The following TSPAN9 variants were observed in gnomAD, a reference collection of about 807,000 sequenced individuals.
The protein encoded by TSPAN9 is tetraspanin-9.
A neutral mutation model predicts 31.0 loss-of-function variants in TSPAN9; 16 were observed. The observed-to-expected ratio is 0.52, with a 90% CI of 0.35 to 0.78. TSPAN9 has a LOEUF of 0.78. Ranked by LOEUF, TSPAN9 falls within the 30% of genes least tolerant of loss-of-function variation. The probability of loss-of-function intolerance (pLI) is 0.01; values close to 1 mark genes in which losing one functional copy is unlikely to be tolerated. For synonymous variants in TSPAN9, 145 were observed against 121.6 expected, an observed-to-expected ratio of 1.19 and a Z score of -1.27; for missense variants, 272 against 312.5, an observed-to-expected ratio of 0.87 and a Z score of 0.98.
chr12:3,233,644 A>G (rs1037175899), intron 3 of TSPAN9, among the ~76,000 whole-genome samples: 2 of 152,150 alleles, frequency 1.3e-5, no homozygotes, highest in African/African-American at 2.4e-5. Flanking sequence ...CTGCTTTTTA[A>G]TATTTCATTG....
At chr12:3,277,215 C>T (rs1862805245) in intron 3 of TSPAN9, among the ~76,000 whole-genome samples, 2 of 152,352 alleles carry the variant, frequency 1.3e-5, no homozygotes, top group East Asian at 1.9e-4. Flanking sequence ...AAGCTGGAGC[C>T]GGGAGTCCTG....
At chr12:3,137,451 C>T (rs770394748) in intron 2 of TSPAN9, among the ~76,000 whole-genome samples, 1 of 152,242 alleles carries the variant, frequency 6.6e-6, no homozygotes, top group Non-Finnish European at 1.5e-5. Context: ...GGCTTCACAT[C>T]CTGCGGGTTT....
chr12:3,130,952 C>T (rs540296132), intron 2 of TSPAN9, among the ~76,000 whole-genome samples: 14 of 152,174 alleles, frequency 9.2e-5, no homozygotes, highest in African/African-American at 2.4e-4. Context: ...ACGTTGTAGC[C>T]GCATCGGATT....
intron 3 of TSPAN9, among the ~76,000 whole-genome samples, chr12:3,226,014 G>A (rs1229993762): frequency 6.6e-6 from 1 of 152,130 alleles, no homozygotes; most frequent in Non-Finnish European, 1.5e-5. Context: ...TTGATACTCT[G>A]AGCCTGACTC....
intron 2 of TSPAN9, among the ~76,000 whole-genome samples, chr12:3,123,455 C>A (rs1258278234): frequency 6.6e-5 from 10 of 152,188 alleles, no homozygotes. Context: ...ACCTCCCTTG[C>A]CCTTGGCCTG....
rs1335302644 is a variant in TSPAN9, at chr12:3,286,103, G to A, written c.*2987G>A. Reference sequence around the variant, plus strand: ...TGGCCCAAGAGCAGTCTGGGTGGATGGAAGTGGCTGTCCCCTCCTCTCCAG... The same window carrying A: ...TGGCCCAAGAGCAGTCTGGGTGGATAGAAGTGGCTGTCCCCTCCTCTCCAG... On this transcript the variant is annotated 3_prime_UTR_variant, in exon 9 of 9. Coordinates refer to ENST00000011898, the MANE Select transcript of TSPAN9 (RefSeq NM_006675.5). This position sits in a 1 kb window ranked among gnomAD's most constrained non-coding sequence, Gnocchi z 4.1. 1.3e-5 allele frequency: 2 copies of A among 152,750 alleles called. No individual in the cohort carries two copies. The highest frequency in any genetic ancestry group is 2.9e-5 in the Non-Finnish European group (2 of 68,110). The allele number at this position is 152,750 out of a possible 1,614,324, so 9.5% of individuals were successfully genotyped here. A position where few individuals can be genotyped will look rare whatever the true frequency, so the allele number is the denominator to read the frequency against.
intron 2 of TSPAN9, among the ~76,000 whole-genome samples, chr12:3,179,129 G>A (rs528839179): frequency 6.6e-6 from 1 of 152,270 alleles, no homozygotes; most frequent in East Asian, 1.9e-4. Flanking sequence ...TAGGCTGCGG[G>A]GCCCGGCCGA....
chr12:3,257,341 A>C (rs1862365950), intron 3 of TSPAN9, among the ~76,000 whole-genome samples: 2 of 151,784 alleles, frequency 1.3e-5, no homozygotes, highest in African/African-American at 4.8e-5. Context: ...GTCCTACCCC[A>C]TTTCCTCCCA....
At chr12:3,116,880 C>A (rs1348608364) in intron 2 of TSPAN9, among the ~76,000 whole-genome samples, 1 of 152,120 alleles carries the variant, frequency 6.6e-6, no homozygotes, top group Admixed American at 6.5e-5. Context: ...CCTCTGTGGC[C>A]GCCCTTGGAC....
rs1365370488 is a variant in TSPAN9 at position 3,175,535 on chromosome 12, A to G, written c.-17-25642A>G. 2.6e-5 allele frequency among the ~76,000 whole-genome samples: 4 copies of G among 152,200 alleles called. No homozygotes were observed. In the East Asian group the frequency reaches 7.7e-4, roughly 29 times the overall value. On this transcript the variant is annotated intron_variant, in intron 2 of 8. Transcript: ENST00000011898. ...GGTTCATTTCCTTTGGTACTTGTAG[A>G]ATAACTTTGAAAGACCCAGCCTCTC... is the stretch of plus-strand genomic sequence containing the variant.
At chr12:3,239,530 C>T (rs1006749937) in intron 3 of TSPAN9, among the ~76,000 whole-genome samples, 2 of 152,238 alleles carry the variant, frequency 1.3e-5, no homozygotes, top group Non-Finnish European at 2.9e-5. Context: ...CCACCTTCCC[C>T]GCTCCACTGC....
intron 3 of TSPAN9, among the ~76,000 whole-genome samples, chr12:3,231,256 T>C (rs1436133697): frequency 2.6e-5 from 4 of 152,052 alleles, no homozygotes; most frequent in Non-Finnish European, 5.9e-5. Flanking sequence ...AGTCCCAAGT[T>C]CCCTAACTCT....
intron 2 of TSPAN9, among the ~76,000 whole-genome samples, chr12:3,181,069 G>C (rs570682808): frequency 3.3e-5 from 5 of 151,994 alleles, no homozygotes; most frequent in Admixed American, 6.5e-5. Context: ...AAAGATGGGT[G>C]GGGGGGATGT....
In TSPAN9 at chr12:3,278,535, A is replaced by G. The variant is rs1435696151; in HGVS notation, c.178A>G (p.Ile60Val). 6 of 1,614,048 alleles carry G rather than the reference A, an allele frequency of 3.7e-6. No homozygotes were observed. Among genetic ancestry groups the G allele is most frequent in the African/African-American group, 1.3e-5 (1 of 74,928 alleles). Residue 60 changes from isoleucine to valine, a missense_variant, in exon 4 of 9, where the codon ATA becomes GTA. Ile to Val is a conservative substitution (Grantham distance 29, BLOSUM62 3). Coordinates refer to ENST00000011898, the MANE Select transcript of TSPAN9 (RefSeq NM_006675.5). The part of the protein sequence containing the change: ...SLSAANLVIA[I>V]GTIVMVTGFL... ...GTCTGCAGCCAACCTGGTCATTGCC[A>G]TAGGCACCATTGTCATGGTGACGGG... is the stretch of plus-strand genomic sequence containing the variant.
At chr12:3,130,132 T>C (rs10774122) in intron 2 of TSPAN9, among the ~76,000 whole-genome samples, 100,576 of 152,056 alleles carry the variant, frequency 0.66, 33,617 homozygotes, top group Admixed American at 0.74. Flanking sequence ...TCGCTTCCCT[T>C]CTACTTCCGC....
chr12:3,139,793 C>A (rs1038111941), intron 2 of TSPAN9, among the ~76,000 whole-genome samples: 2 of 152,190 alleles, frequency 1.3e-5, no homozygotes, highest in African/African-American at 2.4e-5. Flanking sequence ...GGTGATCCAC[C>A]TCCCTCGGCC....
At chr12:3,126,875 C>T (rs2098327590) in intron 2 of TSPAN9, among the ~76,000 whole-genome samples, 7 of 151,910 alleles carry the variant, frequency 4.6e-5, no homozygotes, top group Admixed American at 3.3e-4. Context: ...TGAGTGAGAC[C>T]CTGTCTCAAA....
chr12:3,144,227 A>G (rs570980547), intron 2 of TSPAN9, among the ~76,000 whole-genome samples: 4 of 152,154 alleles, frequency 2.6e-5, no homozygotes, highest in Non-Finnish European at 5.9e-5. Context: ...CAGCCACCCT[A>G]GTAGCTGGGA....
At chr12:3,215,301 C>T (rs1164851152) in intron 3 of TSPAN9, 1 of 152,244 alleles carries the variant, frequency 6.6e-6, no homozygotes, top group African/African-American at 2.4e-5. Flanking sequence ...CTTGGGCTAC[C>T]CTGCTGCTCT....
Sources: gnomAD v4.1 joint callset for allele counts (sites outside exome capture counted in the v4.1 genomes callset) on GRCh38, gnomAD v4.1.1 for gene constraint, Gnocchi (gnomAD v3.1) non-coding constraint, MANE v1.5 for transcripts, NCBI Gene and HGNC (gene_info 2026-07-23, HGNC 2026-07-21) for gene names.